Variants in CNTN5 observed in about 807,000 individuals in gnomAD.
CNTN5 encodes contactin 5, also known as contactin-5.
CNTN5 carries 77 observed loss-of-function variants against 129.1 expected under a neutral mutation model. That is an observed-to-expected ratio of 0.60 (90% CI 0.50 to 0.72). The LOEUF is 0.72. Ranked by LOEUF, CNTN5 falls within the 30% of genes least tolerant of loss-of-function variation. The pLI is 0.00. For synonymous variants in CNTN5, 509 were observed against 465.6 expected (o/e 1.09, Z -1.20); for missense variants, 1,478 against 1,328.8 (o/e 1.11, Z -1.75).
intron 13 of CNTN5, among the ~76,000 whole-genome samples, chr11:100,187,701 G>A (rs1414451872): frequency 1.3e-5 from 2 of 152,076 alleles, no homozygotes; most frequent in East Asian, 3.9e-4. Flanking sequence ...GGACTTCTTG[G>A]TCAATAAATG....
intron 13 of CNTN5, among the ~76,000 whole-genome samples, chr11:100,112,526 G>T (rs926953701): frequency 1.3e-5 from 2 of 151,952 alleles, no homozygotes; most frequent in Non-Finnish European, 2.9e-5. Context: ...AATTAGTCTG[G>T]TGTTAGAACT....
chr11:99,509,086 G>A (rs1179068827), intron 2 of CNTN5, among the ~76,000 whole-genome samples: 2 of 152,072 alleles, frequency 1.3e-5, no homozygotes, highest in South Asian at 4.1e-4. Context: ...TATGATATGG[G>A]GGGAATATAT....
intron 4 of CNTN5, among the ~76,000 whole-genome samples, chr11:99,837,916 A>G (rs1216547305): frequency 6.6e-6 from 1 of 152,126 alleles, no homozygotes; most frequent in Non-Finnish European, 1.5e-5. Context: ...CTCATTTTTC[A>G]TAATATTTTA....
At chr11:99,993,968 A>G (rs1939288164) in intron 8 of CNTN5, among the ~76,000 whole-genome samples, 1 of 152,160 alleles carries the variant, frequency 6.6e-6, no homozygotes, top group African/African-American at 2.4e-5. Flanking sequence ...GAAGCCTCTT[A>G]TTCAACTCTT....
Position 100,271,329 on chromosome 11 carries a change from T to C in CNTN5, c.2314+88T>C, listed in dbSNP as rs553106523. On this transcript the variant is annotated intron_variant, in intron 18 of 24. Coordinates refer to ENST00000524871, the MANE Select transcript of CNTN5 (RefSeq NM_014361.4). ...AATTAACCATGATTGCTCCATTGCT[T>C]GCTTTAGCATAATTTGTCCTGATTC... The C allele has an allele frequency of 5.3e-5, 46 of 863,024 alleles. No individual in the cohort carries two copies. In the South Asian group the frequency reaches 1.3e-3, roughly 25 times the overall value. 53.5% of individuals were successfully genotyped at this position (863,024 alleles called of 1,614,324 possible). A position where few individuals can be genotyped will look rare whatever the true frequency, so the allele number is the denominator to read the frequency against.
At chr11:99,970,251 C>T (rs1208068327) in intron 8 of CNTN5, among the ~76,000 whole-genome samples, 1 of 152,184 alleles carries the variant, frequency 6.6e-6, no homozygotes, top group African/African-American at 2.4e-5. Context: ...CTATCCAAAA[C>T]ACACTGTCAA....
rs1045147287 is a variant in CNTN5 at position 99,731,246 on chromosome 11, T to G, written c.56-88298T>G. 1.1e-4 allele frequency among the ~76,000 whole-genome samples: 16 copies of G among 151,722 alleles called. 1 individual carries two copies. Among genetic ancestry groups the G allele is most frequent in the Admixed American group, 7.9e-4 (12 of 15,226 alleles). ...CCTCAGCCTCCCGAGTAGCTGGGAC[T>G]ACAGGCGCCCGCCACCATGCCTGGC... On this transcript the variant is annotated intron_variant, in intron 3 of 24. Transcript: ENST00000524871.
intron 2 of CNTN5, among the ~76,000 whole-genome samples, chr11:99,515,961 ACAAAAT>A (rs1395468755): frequency 3.1e-4 from 41 of 131,254 alleles, no homozygotes; most frequent in African/African-American, 1.1e-3. Flanking sequence ...AAAAAAAAAA[ACAAAAT>A]CATATCTATA....
At chr11:100,166,331 G>C (rs1947634522) in intron 13 of CNTN5, among the ~76,000 whole-genome samples, 1 of 151,542 alleles carries the variant, frequency 6.6e-6, no homozygotes, top group Non-Finnish European at 1.5e-5. Context: ...GATGATTACT[G>C]CCCCCGGCAT....
intron 1 of CNTN5, among the ~76,000 whole-genome samples, chr11:99,125,995 T>C (rs942359456): frequency 2.0e-5 from 3 of 152,140 alleles, no homozygotes; most frequent in East Asian, 1.9e-4. Context: ...GCCCTTCTTA[T>C]ACAGGTTAGA....
At chr11:100,200,177 A>G (rs902169565) in intron 15 of CNTN5, among the ~76,000 whole-genome samples, 1 of 151,950 alleles carries the variant, frequency 6.6e-6, no homozygotes, top group Middle Eastern at 3.2e-3. Context: ...TATGGGTCAC[A>G]GGGCAGTCAG....
intron 2 of CNTN5, among the ~76,000 whole-genome samples, chr11:99,417,135 G>A (rs1391411853): frequency 4.6e-5 from 7 of 152,044 alleles, no homozygotes; most frequent in Non-Finnish European, 8.8e-5. Context: ...GTTCAATCAA[G>A]TTAAAAAAAC....
At chr11:99,848,560 A>G (rs1218369478) in intron 6 of CNTN5, among the ~76,000 whole-genome samples, 2 of 152,168 alleles carry the variant, frequency 1.3e-5, no homozygotes, top group Non-Finnish European at 2.9e-5. Context: ...AAATTTATTA[A>G]ATGTTTTAAA....
chr11:99,991,473 A>G (rs2137415288), intron 8 of CNTN5, among the ~76,000 whole-genome samples: 1 of 151,846 alleles, frequency 6.6e-6, no homozygotes, highest in Admixed American at 6.6e-5. Flanking sequence ...TCTCAAAACA[A>G]ACAAACAAAC....
intron 23 of CNTN5, among the ~76,000 whole-genome samples, chr11:100,344,016 G>C (rs1404409398): frequency 6.6e-6 from 1 of 152,052 alleles, no homozygotes. Flanking sequence ...ATTTGAAGCA[G>C]AAAACTTCTT....
chr11:100,002,016 C>G lies in CNTN5; in HGVS notation c.878-18C>G. On this transcript the variant is annotated intron_variant, in intron 8 of 24. Coordinates refer to ENST00000524871, the MANE Select transcript of CNTN5 (RefSeq NM_014361.4). ...GTAACATTCATTTGATGCTTAAAGA[C>G]TATTCTTTCTTTCTAAGGTGTGATG... The G allele has an allele frequency of 1.3e-6, 2 of 1,491,140 alleles. No individual in the cohort carries two copies. Among genetic ancestry groups the G allele is most frequent in the Non-Finnish European group, 1.8e-6 (2 of 1,090,954 alleles). The allele number at this position is 1,491,140 out of a possible 1,614,324, so 92.4% of individuals were successfully genotyped here.
At chr11:99,580,574 G>A (rs960634676) in intron 3 of CNTN5, among the ~76,000 whole-genome samples, 7 of 152,126 alleles carry the variant, frequency 4.6e-5, no homozygotes, top group East Asian at 1.9e-4. Flanking sequence ...TGTATGTGCC[G>A]AGGAATTTAT....
At chr11:100,315,498 G>C (rs1951557452) in intron 21 of CNTN5, among the ~76,000 whole-genome samples, 1 of 152,100 alleles carries the variant, frequency 6.6e-6, no homozygotes, top group Admixed American at 6.6e-5. Flanking sequence ...AATGGTAAGG[G>C]GCTTGAGGAC....
At chr11:100,018,680 A>G (rs559309129) in intron 9 of CNTN5, among the ~76,000 whole-genome samples, 4 of 152,082 alleles carry the variant, frequency 2.6e-5, no homozygotes, top group Admixed American at 2.0e-4. Context: ...TTTCTTAGAT[A>G]AATACTTATG....
Sources: allele counts gnomAD v4.1 joint callset (sites outside exome capture counted in the v4.1 genomes callset), GRCh38; gene constraint gnomAD v4.1.1; transcripts MANE v1.5; gene names NCBI Gene and HGNC (gene_info 2026-07-23, HGNC 2026-07-21).